Variants in SCAMP5 observed in about 807,000 individuals in gnomAD.
The protein encoded by SCAMP5 is secretory carrier membrane protein 5, also known as secretory carrier-associated membrane protein 5.
SCAMP5 carries 7 observed loss-of-function variants against 28.3 expected under a neutral mutation model. The ratio of observed to expected loss-of-function variants is 0.25; its 90% CI spans 0.14 to 0.46. SCAMP5 has a LOEUF of 0.46. Ranked by LOEUF, SCAMP5 falls within the 20% of genes least tolerant of loss-of-function variation. The probability of loss-of-function intolerance (pLI) is 0.99; values close to 1 mark genes in which losing one functional copy is unlikely to be tolerated. For missense variants in SCAMP5, 192 were observed against 312.5 expected (o/e 0.61, Z 2.91); for synonymous variants, 117 against 116.4 (o/e 1.00, Z -0.03).
chr15:75,010,179 C>G (rs991331706), intron 1 of SCAMP5, among the ~76,000 whole-genome samples: 1 of 152,194 alleles, frequency 6.6e-6, no homozygotes, highest in Non-Finnish European at 1.5e-5. Flanking sequence ...AGGCCTCCTG[C>G]TGAACTCCCA....
intron 2 of SCAMP5, among the ~76,000 whole-genome samples, 188 bp from the exon 3 acceptor site, chr15:75,012,489 C>G (rs1396928994): frequency 2.0e-5 from 3 of 152,194 alleles, no homozygotes; most frequent in African/African-American, 4.8e-5. Context: ...GTGACACTGT[C>G]TCAGGGCCTT....
chr15:75,003,392 T>G (rs1217544401), intron 1 of SCAMP5, among the ~76,000 whole-genome samples: 1 of 152,198 alleles, frequency 6.6e-6, no homozygotes, highest in Non-Finnish European at 1.5e-5. Context: ...GAGCCACAAT[T>G]ACCATATTTT....
At chr15:75,011,212 A>T (rs180696932) in intron 1 of SCAMP5, among the ~76,000 whole-genome samples, 2 of 132,248 alleles carry the variant, frequency 1.5e-5, no homozygotes, top group Non-Finnish European at 3.1e-5. Flanking sequence ...TCTCAAAAAA[A>T]GTTTTTTAAT....
chr15:75,016,860 C>G (rs1300350945), intron 4 of SCAMP5, 111 bp downstream of exon 4: 31 of 1,027,554 alleles, frequency 3.0e-5, no homozygotes, highest in Non-Finnish European at 4.0e-5. Context: ...CCCCCAAACT[C>G]ACTTTCCCTT....
Position 75,021,192 on chromosome 15 carries a change from G to C in SCAMP5, c.*2209G>C, listed in dbSNP as rs890180901. The stretch of plus-strand genomic sequence containing the variant: ...CTGATCCCGGTGTGTGGCCCAGCTT[G>C]TTCAGGCCCTGGGATGCTGCATCTC... On this transcript the variant is annotated 3_prime_UTR_variant, in exon 7 of 7. Coordinates refer to ENST00000425597, the MANE Select transcript of SCAMP5 (RefSeq NM_138967.4). 6.6e-5 allele frequency: 10 copies of C among 152,326 alleles called. No homozygotes were observed. The highest frequency in any genetic ancestry group is 2.4e-4 in the African/African-American group (10 of 41,438). 9.4% of individuals were successfully genotyped at this position (152,326 alleles called of 1,614,324 possible). A position where few individuals can be genotyped will look rare whatever the true frequency, so the allele number is the denominator to read the frequency against.
intron 1 of SCAMP5, among the ~76,000 whole-genome samples, chr15:75,006,928 C>A (rs532892744): frequency 3.9e-5 from 6 of 152,052 alleles, no homozygotes; most frequent in Non-Finnish European, 5.9e-5. Flanking sequence ...GGCAACAGAG[C>A]GCGACTCTGT....
chr15:75,004,007 C>T (rs1385029141), intron 1 of SCAMP5, among the ~76,000 whole-genome samples: 7 of 152,064 alleles, frequency 4.6e-5, no homozygotes, highest in South Asian at 4.2e-4. Context: ...GGGGTTCAAG[C>T]GATTCTCCTG....
intron 1 of SCAMP5, among the ~76,000 whole-genome samples, chr15:75,008,327 G>A (rs572323018): frequency 1.7e-4 from 26 of 151,962 alleles, no homozygotes; most frequent in African/African-American, 5.8e-4. Flanking sequence ...CTTTCTGGTT[G>A]ATTCTTCCTG....
intron 1 of SCAMP5, among the ~76,000 whole-genome samples, chr15:74,998,871 G>A (rs191578446): frequency 6.6e-6 from 1 of 152,260 alleles, no homozygotes; most frequent in African/African-American, 2.4e-5. Context: ...GACTTCTCTG[G>A]AACTGTAAGC....
At chr15:75,017,678 C>T (rs2065870609) in intron 4 of SCAMP5, 192 bp from the exon 5 acceptor site, 3 of 613,828 alleles carry the variant, frequency 4.9e-6, no homozygotes, top group African/African-American at 1.8e-5. Flanking sequence ...TGTAATGTTG[C>T]AACACACAGG....
intron 1 of SCAMP5, among the ~76,000 whole-genome samples, chr15:75,001,883 A>AG: frequency 6.9e-6 from 1 of 145,162 alleles, no homozygotes; most frequent in East Asian, 1.9e-4. Flanking sequence ...AAAAAAAAAA[A>AG]AAAAAAAAAA....
chr15:75,003,454 T>C (rs1236177637), intron 1 of SCAMP5, among the ~76,000 whole-genome samples: 1 of 152,136 alleles, frequency 6.6e-6, no homozygotes, highest in Non-Finnish European at 1.5e-5. Flanking sequence ...CAAATACAGA[T>C]ATGTATATTT....
At position 75,018,967 on chromosome 15, in the gene SCAMP5, A is replaced by G; in HGVS notation, c.692A>G (p.Tyr231Cys). 6.6e-7 allele frequency: 1 copy of G among 1,522,210 alleles called. No homozygotes were observed. Among genetic ancestry groups the G allele is most frequent in the Non-Finnish European group, 8.7e-7 (1 of 1,143,040 alleles). 94.3% of individuals were successfully genotyped at this position (1,522,210 alleles called of 1,614,324 possible). A position where few individuals can be genotyped will look rare whatever the true frequency, so the allele number is the denominator to read the frequency against. ...TQYSATPNYT[Y>C]SNEM ...TATTCCGCCACCCCCAATTACACGT[A>G]CTCCAATGAGATGTGAACCAGCCAC... Residue 231 changes from tyrosine to cysteine, a missense_variant, in exon 7 of 7, where the codon TAC becomes TGC. Transcript: ENST00000425597. The surrounding 1 kb of genome is among the most constrained non-coding windows in gnomAD (Gnocchi z 5.6).
In SCAMP5 at chr15:75,012,766, C is replaced by T; in HGVS notation, c.97C>T (p.His33Tyr). ...CTTCGAGGCAGATATTCCTCCCCAG[C>T]ATGTCAGCATGACCAAGCGCCTCTA... ...QDFEADIPPQ[H>Y]VSMTKRLYYL... Residue 33 changes from histidine to tyrosine, a missense_variant, in exon 3 of 7, where the codon CAT (histidine) becomes TAT (tyrosine). His to Tyr is a moderately conservative substitution (Grantham distance 83). Coordinates refer to ENST00000425597, the MANE Select transcript of SCAMP5 (RefSeq NM_138967.4). 1 of 1,613,990 alleles carries T rather than the reference C, an allele frequency of 6.2e-7. No individual in the cohort carries two copies. The highest frequency in any genetic ancestry group is 8.5e-7 in the Non-Finnish European group (1 of 1,179,842).
chr15:74,996,768 G>A lies in SCAMP5; in HGVS notation c.-49+1095G>A, dbSNP rs1249933823. ...TGAAAGAGGGAGATGGTTCTTGCAG[G>A]GGCATGATTGGCAGAGAGATTTTGT... On this transcript the variant is annotated intron_variant, in intron 1 of 6. Transcript: ENST00000425597. This position sits in a 1 kb window ranked among gnomAD's most constrained non-coding sequence, Gnocchi z 4.1. 6.6e-6 allele frequency among the ~76,000 whole-genome samples: 1 copy of A among 152,208 alleles called. No homozygotes were observed. Among genetic ancestry groups the A allele is most frequent in the African/African-American group, 2.4e-5 (1 of 41,442 alleles).
chr15:75,012,606 G>A (rs2065821776), intron 2 of SCAMP5, 71 bp from the exon 3 acceptor site: 2 of 1,585,168 alleles, frequency 1.3e-6, no homozygotes, highest in Non-Finnish European at 1.7e-6. Flanking sequence ...CACAGCCAGG[G>A]GAAGGATGGG....
At chr15:75,016,147 C>T (rs1011449289) in intron 3 of SCAMP5, among the ~76,000 whole-genome samples, 1 of 152,018 alleles carries the variant, frequency 6.6e-6, no homozygotes, top group Non-Finnish European at 1.5e-5. Context: ...CTGGGAGGGT[C>T]AGGGGCTGAA....
chr15:75,011,917 TC>T, intron 2 of SCAMP5, 71 bp downstream of exon 2: 1 of 1,305,258 alleles, frequency 7.7e-7, no homozygotes, highest in Non-Finnish European at 1.1e-6. Flanking sequence ...TCTTCCTGGT[TC>T]CCTTATCTCC....
chr15:75,015,452 A>AG (rs140229606), intron 3 of SCAMP5, among the ~76,000 whole-genome samples: 478 of 128,824 alleles, frequency 3.7e-3, no homozygotes, highest in Admixed American at 4.7e-3. Context: ...GTGGGGACAG[A>AG]GGGGGGGGGG....
Sources: gnomAD v4.1 joint callset for allele counts (sites outside exome capture counted in the v4.1 genomes callset) on GRCh38, gnomAD v4.1.1 for gene constraint, Gnocchi (gnomAD v3.1) non-coding constraint, MANE v1.5 for transcripts, NCBI Gene and HGNC (gene_info 2026-07-23, HGNC 2026-07-21) for gene names.